Variants in WDR37 observed in about 807,000 individuals in gnomAD.
WDR37 encodes the protein WD repeat domain 37.
In WDR37, 19 loss-of-function variants were observed where a neutral mutation model predicts 62.9. The observed-to-expected ratio is 0.30, with a 90% CI of 0.21 to 0.44. The LOEUF is 0.44. Among genes scored for constraint, WDR37 ranks in the 20% least tolerant of loss-of-function variants. The pLI is 1.00. For missense variants in WDR37, 474 were observed against 657.6 expected, an observed-to-expected ratio of 0.72 and a Z score of 3.05; for synonymous variants, 250 against 260.9, an observed-to-expected ratio of 0.96 and a Z score of 0.40.
chr10:1,128,246 C>T (rs1392953464), intron 13 of WDR37, among the ~76,000 whole-genome samples: 1 of 152,210 alleles, frequency 6.6e-6, no homozygotes, highest in African/African-American at 2.4e-5. Flanking sequence ...TTACTTAATA[C>T]TGACTCACTC....
intron 9 of WDR37, among the ~76,000 whole-genome samples, chr10:1,099,402 C>A (rs1187088266): frequency 1.3e-5 from 2 of 152,196 alleles, no homozygotes; most frequent in African/African-American, 4.8e-5. Flanking sequence ...TGAAAGTAAT[C>A]TAGTTTTGAT....
At chr10:1,057,150 G>C (rs1406415111) in intron 1 of WDR37, among the ~76,000 whole-genome samples, 182 bp downstream of exon 1, 2 of 152,026 alleles carry the variant, frequency 1.3e-5, no homozygotes, top group Admixed American at 6.5e-5. Flanking sequence ...TCGGGTCCCT[G>C]GAGGACCCGT....
At chr10:1,073,967 G>A (rs780074333) in intron 2 of WDR37, among the ~76,000 whole-genome samples, 1 of 152,226 alleles carries the variant, frequency 6.6e-6, no homozygotes, top group Admixed American at 6.5e-5. Context: ...AGACAGCAGA[G>A]CTATGCGGCA....
At chr10:1,068,263 T>C (rs1471162154) in intron 1 of WDR37, among the ~76,000 whole-genome samples, 1 of 151,532 alleles carries the variant, frequency 6.6e-6, no homozygotes, top group Non-Finnish European at 1.5e-5. Context: ...GGGTGGATCA[T>C]GAGGTCAGGA....
chr10:1,120,107 T>C (rs115335719), intron 11 of WDR37, among the ~76,000 whole-genome samples: 194 of 152,354 alleles, frequency 1.3e-3, no homozygotes, highest in African/African-American at 4.5e-3. Flanking sequence ...ACTTCTCCGT[T>C]TCTTGGTCAG....
intron 9 of WDR37, among the ~76,000 whole-genome samples, chr10:1,100,824 A>T (rs1451538260): frequency 6.6e-6 from 1 of 151,798 alleles, no homozygotes; most frequent in Non-Finnish European, 1.5e-5. Context: ...GTCACCCATC[A>T]CCCCCTGCCT....
chr10:1,122,465 T>C (rs1223469570), intron 11 of WDR37, among the ~76,000 whole-genome samples: 1 of 152,194 alleles, frequency 6.6e-6, no homozygotes, highest in Non-Finnish European at 1.5e-5. Flanking sequence ...CACTCTGCCC[T>C]GAAGTCAGAC....
intron 2 of WDR37, among the ~76,000 whole-genome samples, chr10:1,073,290 A>G (rs1833778519): frequency 6.6e-6 from 1 of 152,228 alleles, no homozygotes; most frequent in African/African-American, 2.4e-5. Flanking sequence ...TGCTGTAGGA[A>G]GATAAAGCTT....
intron 9 of WDR37, among the ~76,000 whole-genome samples, chr10:1,102,113 C>T (rs1339825471): frequency 9.3e-5 from 14 of 150,340 alleles, no homozygotes; most frequent in African/African-American, 2.2e-4. Flanking sequence ...CGTGTGTTCC[C>T]GTGCTGCTGT....
chr10:1,092,067 C>T (rs1205945757), intron 7 of WDR37, among the ~76,000 whole-genome samples: 1 of 150,760 alleles, frequency 6.6e-6, no homozygotes, highest in Non-Finnish European at 1.5e-5. Context: ...GTGGTCCCAG[C>T]TACTTGGGAG....
intron 1 of WDR37, among the ~76,000 whole-genome samples, chr10:1,061,960 C>G (rs76141283): frequency 6.6e-6 from 1 of 151,718 alleles, no homozygotes; most frequent in Non-Finnish European, 1.5e-5. Context: ...GCGGATATTC[C>G]AAAATCTGAA....
intron 1 of WDR37, among the ~76,000 whole-genome samples, chr10:1,062,862 C>A (rs1468299556): frequency 6.6e-6 from 1 of 152,052 alleles, no homozygotes; most frequent in Non-Finnish European, 1.5e-5. Context: ...CTGAGGCGGG[C>A]AGATCACAAG....
intron 1 of WDR37, among the ~76,000 whole-genome samples, chr10:1,065,557 G>C (rs1285694225): frequency 6.6e-6 from 1 of 151,894 alleles, no homozygotes; most frequent in Non-Finnish European, 1.5e-5. Flanking sequence ...ATGTTTGAAA[G>C]TCATGAGTGT....
chr10:1,125,151 T>A lies in WDR37; in HGVS notation c.1353+127T>A. On this transcript the variant is annotated intron_variant, in intron 13 of 13. Coordinates refer to ENST00000263150, the MANE Select transcript of WDR37 (RefSeq NM_014023.4). ...TTCCTTGGAAATGCTTGAGCTGTAT[T>A]TAGAGTTCATAAAATTTAAAATTGA... 5 of 1,429,458 alleles carry A rather than the reference T, an allele frequency of 3.5e-6. No homozygotes were observed. In the South Asian group the frequency reaches 7.5e-5, roughly 21 times the overall value. The allele number at this position is 1,429,458 out of a possible 1,614,324, so 88.5% of individuals were successfully genotyped here. A position where few individuals can be genotyped will look rare whatever the true frequency, so the allele number is the denominator to read the frequency against.
intron 11 of WDR37, chr10:1,123,844 T>C (rs1396872925): frequency 1.6e-5 from 3 of 182,038 alleles, no homozygotes; most frequent in Non-Finnish European, 1.1e-5. Flanking sequence ...GACCAAGATA[T>C]GTTATGATTA....
chr10:1,123,542 C>T (rs1324712889), intron 11 of WDR37, among the ~76,000 whole-genome samples: 1 of 152,140 alleles, frequency 6.6e-6, no homozygotes, highest in Non-Finnish European at 1.5e-5. Flanking sequence ...GTTAGAGTTT[C>T]TTTTTTTACG....
At chr10:1,090,481 G>A (rs1834349305) in intron 7 of WDR37, among the ~76,000 whole-genome samples, 1 of 152,178 alleles carries the variant, frequency 6.6e-6, no homozygotes, top group Non-Finnish European at 1.5e-5. Context: ...GATCTCTTAA[G>A]TTGACCTAAC....
chr10:1,069,923 A>T (rs546627423), intron 1 of WDR37, among the ~76,000 whole-genome samples: 1 of 152,268 alleles, frequency 6.6e-6, no homozygotes, highest in South Asian at 2.1e-4. Context: ...TACAAAGTTG[A>T]GGCCAGGCAC....
intron 7 of WDR37, among the ~76,000 whole-genome samples, chr10:1,088,127 G>A (rs1231379775): frequency 2.6e-5 from 4 of 152,142 alleles, no homozygotes; most frequent in Non-Finnish European, 5.9e-5. Flanking sequence ...TGAGAGTCAG[G>A]GCCCTGCTCT....
Sources: gnomAD v4.1 joint callset for allele counts (sites outside exome capture counted in the v4.1 genomes callset) on GRCh38, gnomAD v4.1.1 for gene constraint, MANE v1.5 for transcripts, NCBI Gene and HGNC (gene_info 2026-07-23, HGNC 2026-07-21) for gene names.